Variants in AGPAT4 observed in about 807,000 individuals in gnomAD.
The protein encoded by AGPAT4 is 1-acylglycerol-3-phosphate O-acyltransferase 4, also known as 1-acyl-sn-glycerol-3-phosphate acyltransferase delta.
AGPAT4 carries 15 observed loss-of-function variants against 48.0 expected under a neutral mutation model. The observed-to-expected ratio is 0.31, with a 90% confidence interval of 0.21 to 0.48. The LOEUF (loss-of-function observed/expected upper bound fraction) is 0.48. Ranked by LOEUF, AGPAT4 falls within the 20% of genes least tolerant of loss-of-function variation. The pLI is 0.99. For synonymous variants in AGPAT4, 178 were observed against 198.7 expected (o/e 0.90, Z 0.88); for missense variants, 314 against 482.5 (o/e 0.65, Z 3.27).
In AGPAT4 at chr6:161,171,747, A is replaced by G. The variant is rs911107264; in HGVS notation, c.179-5330T>C. ...TACTAAAAATACAAAAAAAAAAAAAAAAATTAGCTGGGCGTGGTGGCAGGC... is the reference window on the plus strand; with the variant it reads ...TACTAAAAATACAAAAAAAAAAAAAGAAATTAGCTGGGCGTGGTGGCAGGC... On this transcript the variant is annotated intron_variant, in intron 2 of 8. Coordinates refer to ENST00000320285, the MANE Select transcript of AGPAT4 (RefSeq NM_020133.3). This position sits in a 1 kb window ranked among gnomAD's most constrained non-coding sequence, Gnocchi z 4.4. Among the ~76,000 whole-genome samples, 4 of 151,956 alleles carry G rather than the reference A, an allele frequency of 2.6e-5. No homozygotes were observed. The highest frequency in any genetic ancestry group is 9.7e-5 in the African/African-American group (4 of 41,380).
chr6:161,136,522 T>C lies in AGPAT4; in HGVS notation c.*18A>G, dbSNP rs1011519397. On this transcript the variant is annotated 3_prime_UTR_variant, in exon 9 of 9. Transcript: ENST00000320285. ...CCAGTTCCCCAAGGTTCCCTTCGGA[T>C]GGTGACACCTCCCTGAGTCAGTCAT... 3.7e-6 allele frequency: 6 copies of C among 1,612,050 alleles called. No homozygotes were observed. The African/African-American group carries it at 8.0e-5, about 22-fold the overall frequency.
At chr6:161,181,970 G>A (rs1288518305) in intron 2 of AGPAT4, among the ~76,000 whole-genome samples, 3 of 152,154 alleles carry the variant, frequency 2.0e-5, no homozygotes, top group Non-Finnish European at 4.4e-5. Context: ...TAGTCCCTCT[G>A]CAGTATAAAG....
intron 2 of AGPAT4, among the ~76,000 whole-genome samples, chr6:161,186,778 C>G (rs1036886731): frequency 4.6e-5 from 7 of 152,204 alleles, no homozygotes; most frequent in Non-Finnish European, 7.3e-5. Context: ...AACGCTGTTC[C>G]TGGAACTACC....
At position 161,207,017 on chromosome 6, in the gene AGPAT4, T is replaced by C. The variant is rs190928211; in HGVS notation, c.178+25019A>G. The stretch of plus-strand genomic sequence containing the variant: ...AAAAATAGTCCTTTCAGTTATCTAA[T>C]GGAATATTCCATGGACTTCCTGGTT... On this transcript the variant is annotated intron_variant, in intron 2 of 8. Transcript: ENST00000320285. 1.6e-4 allele frequency among the ~76,000 whole-genome samples: 25 copies of C among 152,356 alleles called. No homozygotes were observed. The East Asian group carries it at 4.8e-3, about 29-fold the overall frequency.
intron 2 of AGPAT4, among the ~76,000 whole-genome samples, chr6:161,192,565 T>C (rs1257304638): frequency 1.3e-5 from 2 of 152,352 alleles, no homozygotes; most frequent in Middle Eastern, 3.4e-3. Flanking sequence ...ACTTTATCAT[T>C]GTTTATACAG....
rs1190756722 is a variant in AGPAT4 at position 161,234,427 on chromosome 6, T to C, written c.-89-2125A>G. 2.0e-5 allele frequency among the ~76,000 whole-genome samples: 3 copies of C among 152,092 alleles called. No homozygotes were observed. Among genetic ancestry groups the C allele is most frequent in the Non-Finnish European group, 4.4e-5 (3 of 68,034 alleles). On this transcript the variant is annotated intron_variant, in intron 1 of 8. Coordinates refer to ENST00000320285, the MANE Select transcript of AGPAT4 (RefSeq NM_020133.3). This position sits in a 1 kb window ranked among gnomAD's most constrained non-coding sequence, Gnocchi z 4.4. ...TGCAGGGTCTGAATCATCACATCTC[T>C]GGCCTTTCGCAGACGGCATTTCCAC...
At position 161,220,825 on chromosome 6, in the gene AGPAT4, C is replaced by T. The variant is rs550037502; in HGVS notation, c.178+11211G>A. 3.9e-5 allele frequency among the ~76,000 whole-genome samples: 6 copies of T among 152,144 alleles called. No homozygotes were observed. Among genetic ancestry groups the T allele is most frequent in the Admixed American group, 2.0e-4 (3 of 15,282 alleles). Reference sequence around the variant, plus strand: ...TTGAGACAGAGTCTCACTCTGTCACCCAGGCTGGAGTGCAGTGGTGCAATC... The same window carrying T: ...TTGAGACAGAGTCTCACTCTGTCACTCAGGCTGGAGTGCAGTGGTGCAATC... On this transcript the variant is annotated intron_variant, in intron 2 of 8. Transcript: ENST00000320285. This position sits in a 1 kb window ranked among gnomAD's most constrained non-coding sequence, Gnocchi z 6.0.
At position 161,262,301 on chromosome 6, in the gene AGPAT4, T is replaced by C. The variant is rs921445798; in HGVS notation, c.-90+11637A>G. Among the ~76,000 whole-genome samples the C allele has an allele frequency of 6.6e-6, 1 of 152,132 alleles. No individual in the cohort carries two copies. Among genetic ancestry groups the C allele is most frequent in the Non-Finnish European group, 1.5e-5 (1 of 68,022 alleles). ...AGGTGATCCTCATGTGCAGGCAATG[T>C]TGAGAACATGGGTTAGACTCTGCTG... On this transcript the variant is annotated intron_variant, in intron 1 of 8. Transcript: ENST00000320285. The surrounding 1 kb of genome is among the most constrained non-coding windows in gnomAD (Gnocchi z 4.9).
Position 161,198,774 on chromosome 6 carries a change from G to A in AGPAT4, c.179-32357C>T, listed in dbSNP as rs899527857. 1.3e-5 allele frequency among the ~76,000 whole-genome samples: 2 copies of A among 152,140 alleles called. No individual in the cohort carries two copies. Among genetic ancestry groups the A allele is most frequent in the Admixed American group, 6.5e-5 (1 of 15,280 alleles). On this transcript the variant is annotated intron_variant, in intron 2 of 8. Transcript: ENST00000320285. This position sits in a 1 kb window ranked among gnomAD's most constrained non-coding sequence, Gnocchi z 4.3. ...CTGTTTTTTCCTTTACACTGACGGA[G>A]TGCGTGAATGTTAACAGGGAAACTG...
At chr6:161,170,675 T>A (rs946331649) in intron 2 of AGPAT4, among the ~76,000 whole-genome samples, 4 of 152,222 alleles carry the variant, frequency 2.6e-5, no homozygotes, top group Admixed American at 2.6e-4. Flanking sequence ...AGCCAGAGCC[T>A]TCTCTCTACA....
At chr6:161,173,829 G>A (rs1185239115) in intron 2 of AGPAT4, among the ~76,000 whole-genome samples, 2 of 152,200 alleles carry the variant, frequency 1.3e-5, no homozygotes, top group Non-Finnish European at 2.9e-5. Flanking sequence ...TGTATAAGGT[G>A]TAAGGAAGGG....
intron 1 of AGPAT4, among the ~76,000 whole-genome samples, chr6:161,265,730 C>T (rs1007611433): frequency 3.3e-5 from 5 of 152,080 alleles, no homozygotes; most frequent in African/African-American, 1.2e-4. Context: ...CCTGTCTGCA[C>T]AGATCTGGGT....
Position 161,161,875 on chromosome 6 carries a change from C to CG in AGPAT4, c.348+4372dup. 1 of 251,496 alleles carries CG rather than the reference C, an allele frequency of 4.0e-6. No individual in the cohort carries two copies. Among genetic ancestry groups the CG allele is most frequent in the Non-Finnish European group, 7.9e-6 (1 of 126,178 alleles). 15.6% of individuals were successfully genotyped at this position (251,496 alleles called of 1,614,324 possible). Reference sequence around the variant, plus strand: ...GCACAGGGCTTTATGGGCGCCCTCACGCACAGGCACTCTGCCTAGGAGGGA... The same window carrying CG: ...GCACAGGGCTTTATGGGCGCCCTCACGGCACAGGCACTCTGCCTAGGAGGGA... On this transcript the variant is annotated intron_variant, in intron 3 of 8. Transcript: ENST00000320285. The surrounding 1 kb of genome is among the most constrained non-coding windows in gnomAD (Gnocchi z 4.6).
intron 1 of AGPAT4, among the ~76,000 whole-genome samples, chr6:161,260,655 CAAAAAAA>C (rs377444402): frequency 1.3e-4 from 6 of 45,668 alleles, no homozygotes; most frequent in African/African-American, 2.0e-4. Context: ...GACTACGTCT[CAAAAAAA>C]AAAAAAAAAA....
rs1779756751 is a variant in AGPAT4, at chr6:161,155,965, G to T, written c.349-1655C>A. On this transcript the variant is annotated intron_variant, in intron 3 of 8. Coordinates refer to ENST00000320285, the MANE Select transcript of AGPAT4 (RefSeq NM_020133.3). This position sits in a 1 kb window ranked among gnomAD's most constrained non-coding sequence, Gnocchi z 5.8. ...ATGCAGCCAATCATGGCTTCTGCTGGGGAAAAGCACTCTCAGGGATATTTC... is the reference window on the plus strand; with the variant it reads ...ATGCAGCCAATCATGGCTTCTGCTGTGGAAAAGCACTCTCAGGGATATTTC... 6.6e-6 allele frequency among the ~76,000 whole-genome samples: 1 copy of T among 152,180 alleles called. No homozygotes were observed. Among genetic ancestry groups the T allele is most frequent in the Non-Finnish European group, 1.5e-5 (1 of 68,032 alleles).
rs1056835496 is a variant in AGPAT4, at chr6:161,246,259, A to G, written c.-89-13957T>C. Among the ~76,000 whole-genome samples the G allele has an allele frequency of 1.3e-5, 2 of 152,232 alleles. No individual in the cohort carries two copies. The highest frequency in any genetic ancestry group is 1.3e-4 in the Admixed American group (2 of 15,284). On this transcript the variant is annotated intron_variant, in intron 1 of 8. Transcript: ENST00000320285. The surrounding 1 kb of genome is among the most constrained non-coding windows in gnomAD (Gnocchi z 5.5). Reference sequence around the variant, plus strand: ...GGACAGAGTTGTTTAATTCACGCATACATTCATTCGTCCACTGAGAAGTAT... The same window carrying G: ...GGACAGAGTTGTTTAATTCACGCATGCATTCATTCGTCCACTGAGAAGTAT...
intron 1 of AGPAT4, among the ~76,000 whole-genome samples, chr6:161,248,378 T>G (rs1782719367): frequency 6.6e-6 from 1 of 151,870 alleles, no homozygotes. Context: ...ATCGAGACCA[T>G]ACTGGCTAAC....
rs148349368 is a variant in AGPAT4 at position 161,164,651 on chromosome 6, G to A, written c.348+1597C>T. Reference sequence around the variant, plus strand: ...ACTCAGCCAAACTGAGGCTCTGGGGGTTTATTTATAAAATGTGGATAATAA... The same window carrying A: ...ACTCAGCCAAACTGAGGCTCTGGGGATTTATTTATAAAATGTGGATAATAA... On this transcript the variant is annotated intron_variant, in intron 3 of 8. Coordinates refer to ENST00000320285, the MANE Select transcript of AGPAT4 (RefSeq NM_020133.3). The surrounding 1 kb of genome is among the most constrained non-coding windows in gnomAD (Gnocchi z 7.4). Among the ~76,000 whole-genome samples, 17 of 152,268 alleles carry A rather than the reference G, an allele frequency of 1.1e-4. No homozygotes were observed. Among genetic ancestry groups the A allele is most frequent in the South Asian group, 2.1e-4 (1 of 4,820 alleles).
intron 2 of AGPAT4, among the ~76,000 whole-genome samples, chr6:161,210,278 A>G (rs1781487869): frequency 6.6e-6 from 1 of 152,196 alleles, no homozygotes; most frequent in African/African-American, 2.4e-5. Flanking sequence ...TGTACTTTAT[A>G]ATGTAAATTT....
Sources: allele counts gnomAD v4.1 joint callset (sites outside exome capture counted in the v4.1 genomes callset), GRCh38; gene constraint gnomAD v4.1.1; non-coding constraint Gnocchi (gnomAD v3.1); transcripts MANE v1.5; gene names NCBI Gene and HGNC (gene_info 2026-07-23, HGNC 2026-07-21).